The following B3GALT1 variants were observed in gnomAD, a reference collection of about 807,000 sequenced individuals.
B3GALT1 encodes beta-1,3-galactosyltransferase 1.
Under a neutral mutation model 23.2 loss-of-function variants are expected in B3GALT1, and 10 were observed. The ratio of observed to expected loss-of-function variants is 0.43; its 90% CI spans 0.27 to 0.73. The LOEUF is 0.73. Among genes scored for constraint, B3GALT1 ranks in the 30% least tolerant of loss-of-function variants. B3GALT1 has a pLI of 0.21. For missense variants in B3GALT1, 299 were observed against 405.4 expected (o/e 0.74, Z 2.25); for synonymous variants, 156 against 141.5 (o/e 1.10, Z -0.73).
chr2:167,461,397 C>T (rs549195062), intron 1 of B3GALT1, among the ~76,000 whole-genome samples: 2 of 152,244 alleles, frequency 1.3e-5, no homozygotes, highest in Admixed American at 6.5e-5. Context: ...ACAGATTCTG[C>T]CAGTGCAATT....
chr2:167,406,742 A>G (rs1350274240), intron 1 of B3GALT1, among the ~76,000 whole-genome samples: 1 of 152,212 alleles, frequency 6.6e-6, no homozygotes, highest in Non-Finnish European at 1.5e-5. Flanking sequence ...TGACTCAACC[A>G]AAGGAGACAC....
chr2:167,820,567 C>CT (rs1198567571), intron 4 of B3GALT1, among the ~76,000 whole-genome samples: 1 of 152,200 alleles, frequency 6.6e-6, no homozygotes, highest in Non-Finnish European at 1.5e-5. Flanking sequence ...AGCCTGGAGC[C>CT]TGTGTGACTG....
intron 3 of B3GALT1, chr2:167,715,424 TCA>T (rs1687127168): frequency 1.2e-6 from 2 of 1,610,146 alleles, no homozygotes; most frequent in African/African-American, 2.7e-5. Flanking sequence ...TTGAGAATTT[TCA>T]CTCAAAGCAT....
intron 1 of B3GALT1, among the ~76,000 whole-genome samples, chr2:167,435,433 C>CAAAAAAAAAAAAAAAAAAAA (rs1159357073): frequency 3.8e-5 from 1 of 26,192 alleles, no homozygotes; most frequent in Non-Finnish European, 8.7e-5. Flanking sequence ...CATATGCTTG[C>CAAAAAAAAAAAAAAAAAAAA]AAAAAAAAAA....
chr2:167,692,009 C>T (rs957502430), intron 3 of B3GALT1, among the ~76,000 whole-genome samples: 3 of 152,046 alleles, frequency 2.0e-5, no homozygotes, highest in African/African-American at 7.2e-5. Flanking sequence ...TATTAGTTGG[C>T]CTTCCTTGAG....
intron 2 of B3GALT1, among the ~76,000 whole-genome samples, chr2:167,512,568 GTATA>G (rs66968215): frequency 1.0e-4 from 4 of 38,734 alleles, no homozygotes; most frequent in Non-Finnish European, 1.8e-4. Flanking sequence ...ATATATATAT[GTATA>G]TATATATGTA....
intron 4 of B3GALT1, among the ~76,000 whole-genome samples, chr2:167,854,225 T>C (rs148919271): frequency 6.6e-6 from 1 of 152,266 alleles, no homozygotes; most frequent in East Asian, 1.9e-4. Context: ...ATTTTATACT[T>C]AAAGAAATAG....
intron 3 of B3GALT1, among the ~76,000 whole-genome samples, chr2:167,679,500 C>T (rs1297496544): frequency 1.3e-5 from 2 of 152,276 alleles, no homozygotes; most frequent in African/African-American, 4.8e-5. Context: ...GTGATCCGCC[C>T]ACCTCGGCCT....
intron 1 of B3GALT1, among the ~76,000 whole-genome samples, chr2:167,319,713 G>A (rs1696778463): frequency 6.6e-6 from 1 of 152,028 alleles, no homozygotes; most frequent in Non-Finnish European, 1.5e-5. Flanking sequence ...TATATATAAT[G>A]TTTGTAATTC....
intron 3 of B3GALT1, among the ~76,000 whole-genome samples, chr2:167,697,476 T>C (rs1686805933): frequency 1.3e-5 from 2 of 152,190 alleles, no homozygotes; most frequent in African/African-American, 4.8e-5. Flanking sequence ...TTGAGAAATA[T>C]GCTCAGTCTC....
chr2:167,294,495 G>T (rs1451041219), intron 1 of B3GALT1, among the ~76,000 whole-genome samples: 2 of 152,240 alleles, frequency 1.3e-5, no homozygotes, highest in Non-Finnish European at 2.9e-5. Context: ...GGCCAGATCC[G>T]AATCTCCGTA....
chr2:167,811,363 C>T (rs1490374103), intron 3 of B3GALT1, among the ~76,000 whole-genome samples: 1 of 152,248 alleles, frequency 6.6e-6, no homozygotes, highest in African/African-American at 2.4e-5. Context: ...GCATGGGAAA[C>T]ACTTTCACAG....
rs1689043957 is a variant in B3GALT1, at chr2:167,818,668, T to G, written c.-351-4T>G. 6.6e-6 allele frequency among the ~76,000 whole-genome samples: 1 copy of G among 152,198 alleles called. No homozygotes were observed. The highest frequency in any genetic ancestry group is 2.1e-4 in the South Asian group (1 of 4,830). ...ATTTTTCTCTCTTCTTGGTGTCCAC[T>G]TAGGGCTACGCAGCTTGCTCCTGGC... On this transcript the variant is annotated splice_region_variant and splice_polypyrimidine_tract_variant and intron_variant, in intron 3 of 4. Transcript: ENST00000392690.
Position 167,869,346 on chromosome 2 carries a change from G to C in B3GALT1, c.307G>C (p.Asp103His). ...TCAGGCAATCAGAGAGACGTGGGGGGATGAGAACAACTTTAAGGGGATCAA... is the reference window on the plus strand; with the variant it reads ...TCAGGCAATCAGAGAGACGTGGGGGCATGAGAACAACTTTAAGGGGATCAA... The part of the protein sequence containing the change: ...ARQAIRETWG[D>H]ENNFKGIKIA... The change falls in exon 5 of 5, where the codon GAT becomes CAT. Residue 103 changes from aspartate (D) to histidine (H), a missense_variant. This residue lies in a region of B3GALT1 where 162 missense variants were observed against 184.1 expected (regional missense o/e 0.88). Transcript: ENST00000392690. The surrounding 1 kb of genome is among the most constrained non-coding windows in gnomAD (Gnocchi z 6.4). 1 of 1,614,106 alleles carries C rather than the reference G, an allele frequency of 6.2e-7. No homozygotes were observed. Among genetic ancestry groups the C allele is most frequent in the Non-Finnish European group, 8.5e-7 (1 of 1,180,016 alleles).
At chr2:167,847,248 C>A (rs1689780384) in intron 4 of B3GALT1, among the ~76,000 whole-genome samples, 1 of 151,804 alleles carries the variant, frequency 6.6e-6, no homozygotes, top group African/African-American at 2.4e-5. Flanking sequence ...TACCTTGGAA[C>A]AAAAACAACA....
chr2:167,783,241 G>T (rs1025328942), intron 3 of B3GALT1, among the ~76,000 whole-genome samples: 1 of 151,956 alleles, frequency 6.6e-6, no homozygotes, highest in East Asian at 1.9e-4. Flanking sequence ...GCTAATCATT[G>T]AGCTCAAAAA....
intron 3 of B3GALT1, among the ~76,000 whole-genome samples, chr2:167,671,258 G>A (rs1446544801): frequency 1.3e-5 from 2 of 151,758 alleles, no homozygotes; most frequent in Non-Finnish European, 1.5e-5. Flanking sequence ...AGATCATCCA[G>A]AAAAAAAATC....
Position 167,665,202 on chromosome 2 carries a change from C to A in B3GALT1, c.-352+18236C>A, listed in dbSNP as rs1476924108. Among the ~76,000 whole-genome samples, 168 of 149,014 alleles carry A rather than the reference C, an allele frequency of 1.1e-3. 4 individuals are homozygous for A. The East Asian group carries it at 0.031, about 27-fold the overall frequency. ...TGTTGAATTTTGTCAAAGGCCTTTT[C>A]TGCATCTATTGAGATAATCATGTGG... On this transcript the variant is annotated intron_variant, in intron 3 of 4. Coordinates refer to ENST00000392690, the MANE Select transcript of B3GALT1 (RefSeq NM_020981.4).
At chr2:167,778,549 CAG>C (rs1353716123) in intron 3 of B3GALT1, among the ~76,000 whole-genome samples, 1 of 152,198 alleles carries the variant, frequency 6.6e-6, no homozygotes, top group Non-Finnish European at 1.5e-5. Context: ...CCTCTTCTCA[CAG>C]AGAGAAGAGA....
Sources: gnomAD v4.1 joint callset for allele counts (sites outside exome capture counted in the v4.1 genomes callset) on GRCh38, gnomAD v4.1.1 for gene constraint, gnomAD v4.1.1 regional missense constraint, Gnocchi (gnomAD v3.1) non-coding constraint, MANE v1.5 for transcripts, NCBI Gene and HGNC (gene_info 2026-07-23, HGNC 2026-07-21) for gene names.